TOR4A: variants seen among roughly 807,000 people sequenced by gnomAD.
The protein encoded by TOR4A is torsin-4A.
A neutral mutation model predicts 11.5 loss-of-function variants in TOR4A; 12 were observed. The ratio of observed to expected loss-of-function variants is 1.04; its 90% CI spans 0.67 to 1.69. TOR4A has a LOEUF of 1.69. Ranked by LOEUF, TOR4A falls within the 40% of genes most tolerant of loss-of-function variation. TOR4A has a pLI of 0.00. For synonymous variants in TOR4A, 362 were observed against 307.4 expected (o/e 1.18, Z -1.86); for missense variants, 640 against 643.2 (o/e 0.99, Z 0.05).
rs1403474019 is a variant in TOR4A at position 137,278,793 on chromosome 9, G to A, written c.104G>A (p.Arg35Gln). Residue 35 changes from arginine (R) to glutamine (Q), a missense_variant, in exon 2 of 2, where the codon CGG becomes CAG. Physicochemically the swap from Arg to Gln is conservative, Grantham distance 43 (BLOSUM62 1). Transcript: ENST00000357503. ...PVRAVLRLRR[R>Q]VCVLRKRRLL... is the part of the protein sequence containing the mutation. ...CGCGCTGTGCTCCGCCTGCGCCGCC[G>A]GGTGTGTGTCCTACGCAAACGGCGC... 3 of 1,454,528 alleles carry A rather than the reference G, an allele frequency of 2.1e-6. No individual in the cohort carries two copies. The highest frequency in any genetic ancestry group is 2.7e-6 in the Non-Finnish European group (3 of 1,115,228). 90.1% of individuals were successfully genotyped at this position (1,454,528 alleles called of 1,614,324 possible).
chr9:137,278,605 A>C, intron 1 of TOR4A, 48 bp from the exon 2 acceptor site: 1 of 1,172,206 alleles, frequency 8.5e-7, no homozygotes, highest in Non-Finnish European at 1.1e-6. Flanking sequence ...GCCCGCGGGA[A>C]AGGGCAGTGG....
At chr9:137,278,150 C>G (rs1291514532) in intron 1 of TOR4A, among the ~76,000 whole-genome samples, 3 of 152,166 alleles carry the variant, frequency 2.0e-5, no homozygotes, top group Non-Finnish European at 4.4e-5. Context: ...TCATAAGTTC[C>G]AGCCAGACCC....
chr9:137,279,006 C>A lies in TOR4A; in HGVS notation c.317C>A (p.Ser106Ter). Reference sequence around the variant, plus strand: ...CGCCTGGTGCTTTACCCGGAGACCTCGCGCAAGTATCGGCCGCGCGTGGAG... The same window carrying A: ...CGCCTGGTGCTTTACCCGGAGACCTAGCGCAAGTATCGGCCGCGCGTGGAG... ...RSRLVLYPET[S>*]RKYRPRVEHR... The change falls in exon 2 of 2, where the codon TCG (serine) becomes TAG (stop). Residue 106 changes from serine (S) to a stop codon, truncating the protein, a stop_gained. Transcript: ENST00000357503. LOFTEE classifies it high-confidence loss of function. 1 of 1,606,436 alleles carries A rather than the reference C, an allele frequency of 6.2e-7. No individual in the cohort carries two copies. The highest frequency in any genetic ancestry group is 8.5e-7 in the Non-Finnish European group (1 of 1,177,344).
Position 137,279,635 on chromosome 9 carries a change from TCC to T in TOR4A, c.948_949del (p.Leu319AlafsTer63), listed in dbSNP as rs746725550. The T allele has an allele frequency of 1.3e-6, 2 of 1,559,732 alleles. No individual in the cohort carries two copies. The highest frequency in any genetic ancestry group is 1.7e-6 in the Non-Finnish European group (2 of 1,157,786). On this transcript the variant is annotated frameshift_variant, in exon 2 of 2. Coordinates refer to ENST00000357503, the MANE Select transcript of TOR4A (RefSeq NM_017723.3). LOFTEE classifies it low-confidence loss of function (END_TRUNC). ...EVTRFVLQNA[S>X]RALPLRPDGF... ...CACGCGCTTCGTGCTGCAGAACGCG[TCC>T]CGCGCGCTGCCCCTGCGCCCCGACG... is the stretch of plus-strand genomic sequence containing the variant.
chr9:137,279,638 C>T lies in TOR4A; in HGVS notation c.949C>T (p.Arg317Cys). ...GCGCTTCGTGCTGCAGAACGCGTCC[C>T]GCGCGCTGCCCCTGCGCCCCGACGG... Reference protein sequence around the residue: ...VTRFVLQNASRALPLRPDGFR... With the variant: ...VTRFVLQNASCALPLRPDGFR... Residue 317 changes from arginine (R) to cysteine (C), a missense_variant, in exon 2 of 2, where the codon CGC becomes TGC. Coordinates refer to ENST00000357503, the MANE Select transcript of TOR4A (RefSeq NM_017723.3). The T allele has an allele frequency of 6.4e-7, 1 of 1,560,078 alleles. No individual in the cohort carries two copies. The highest frequency in any genetic ancestry group is 8.6e-7 in the Non-Finnish European group (1 of 1,158,062).
chr9:137,279,124 G>A lies in TOR4A; in HGVS notation c.435G>A (p.Ala145=). ...CTATCGAGAACCTGGACGATAACGC[G>A]CAGCGCTATGACCTCGACGGGCTGG... The part of the protein sequence containing the change: ...LNAIENLDDN[A]QRYDLDGLEK... The change falls in exon 2 of 2, where the codon GCG becomes GCA. Residue 145 remains alanine, a synonymous_variant. Transcript: ENST00000357503. 7 of 1,589,030 alleles carry A rather than the reference G, an allele frequency of 4.4e-6. No individual in the cohort carries two copies. The highest frequency in any genetic ancestry group is 3.4e-5 in the South Asian group (3 of 87,740).
At position 137,279,698 on chromosome 9, in the gene TOR4A, G is replaced by A. The variant is rs1481350211; in HGVS notation, c.1009G>A (p.Glu337Lys). The A allele has an allele frequency of 4.5e-6, 7 of 1,572,666 alleles. No homozygotes were observed. The highest frequency in any genetic ancestry group is 1.3e-5 in the African/African-American group (1 of 74,488). ...RSAEAAAAQA[E>K]EDLRASLLAV... The stretch of plus-strand genomic sequence containing the variant: ...TGCCGAGGCCGCAGCGGCGCAGGCG[G>A]AAGAAGACCTGCGCGCCAGCCTGCT... The change falls in exon 2 of 2, where the codon GAA (glutamate) becomes AAA (lysine). Residue 337 changes from glutamate to lysine, a missense_variant. By Grantham distance (56) the Glu-to-Lys change is moderately conservative. Coordinates refer to ENST00000357503, the MANE Select transcript of TOR4A (RefSeq NM_017723.3).
In TOR4A at chr9:137,280,486, G is replaced by T; in HGVS notation, c.*525G>T. ...TCAGGTCGTGTTTTCAGGAGCTCAAGGCTGGAGTGTCTTGACAGTAAGGGG... is the reference window on the plus strand; with the variant it reads ...TCAGGTCGTGTTTTCAGGAGCTCAATGCTGGAGTGTCTTGACAGTAAGGGG... On this transcript the variant is annotated 3_prime_UTR_variant, in exon 2 of 2. Transcript: ENST00000357503. 1 of 169,020 alleles carries T rather than the reference G, an allele frequency of 5.9e-6. No individual in the cohort carries two copies. The highest frequency in any genetic ancestry group is 1.4e-5 in the Non-Finnish European group (1 of 69,390). 10.5% of individuals were successfully genotyped at this position (169,020 alleles called of 1,614,324 possible). A position where few individuals can be genotyped will look rare whatever the true frequency, so the allele number is the denominator to read the frequency against.
Position 137,279,534 on chromosome 9 carries a change from T to A in TOR4A, c.845T>A (p.Phe282Tyr). 6.3e-7 allele frequency: 1 copy of A among 1,587,446 alleles called. No homozygotes were observed. The highest frequency in any genetic ancestry group is 8.5e-7 in the Non-Finnish European group (1 of 1,170,178). The part of the protein sequence containing the change: ...PRPLLDELHG[F>Y]LQPQRSHHFH... ...CCGCTGCTGGACGAGCTGCACGGCTTCCTGCAGCCGCAGCGCTCCCACCAC... is the reference window on the plus strand; with the variant it reads ...CCGCTGCTGGACGAGCTGCACGGCTACCTGCAGCCGCAGCGCTCCCACCAC... Residue 282 changes from phenylalanine (F) to tyrosine (Y), a missense_variant, in exon 2 of 2, where the codon TTC becomes TAC. Phe to Tyr is a conservative substitution (Grantham distance 22). Coordinates refer to ENST00000357503, the MANE Select transcript of TOR4A (RefSeq NM_017723.3).
Position 137,280,316 on chromosome 9 carries a change from C to T in TOR4A, c.*355C>T, listed in dbSNP as rs1223819122. The T allele has an allele frequency of 1.2e-5, 4 of 321,086 alleles. No homozygotes were observed. The East Asian group carries it at 1.7e-4, about 14-fold the overall frequency. 19.9% of individuals were successfully genotyped at this position (321,086 alleles called of 1,614,324 possible). A position where few individuals can be genotyped will look rare whatever the true frequency, so the allele number is the denominator to read the frequency against. ...GGGTCACACAGCTGGGACGTGACCC[C>T]GCCTCTTGGGGGTGGTCGCGTGTTG... On this transcript the variant is annotated 3_prime_UTR_variant, in exon 2 of 2. Coordinates refer to ENST00000357503, the MANE Select transcript of TOR4A (RefSeq NM_017723.3).
In TOR4A at chr9:137,279,683, G is replaced by C. The variant is rs1408236830; in HGVS notation, c.994G>C (p.Ala332Pro). 6.4e-7 allele frequency: 1 copy of C among 1,566,526 alleles called. No individual in the cohort carries two copies. The highest frequency in any genetic ancestry group is 8.6e-7 in the Non-Finnish European group (1 of 1,161,580). Residue 332 changes from alanine (A) to proline (P), a missense_variant, in exon 2 of 2, where the codon GCA becomes CCA. Ala to Pro is a conservative substitution (Grantham distance 27). Coordinates refer to ENST00000357503, the MANE Select transcript of TOR4A (RefSeq NM_017723.3). Reference sequence around the variant, plus strand: ...CGACGGCTTCCGCAGTGCCGAGGCCGCAGCGGCGCAGGCGGAAGAAGACCT... The same window carrying C: ...CGACGGCTTCCGCAGTGCCGAGGCCCCAGCGGCGCAGGCGGAAGAAGACCT... ...RPDGFRSAEAAAAQAEEDLRA... is the reference protein window; with the variant it reads ...RPDGFRSAEAPAAQAEEDLRA...
intron 1 of TOR4A, among the ~76,000 whole-genome samples, chr9:137,278,402 C>G (rs1210630965): frequency 6.6e-6 from 1 of 151,710 alleles, no homozygotes; most frequent in Non-Finnish European, 1.5e-5. Context: ...CCTCAAGGCC[C>G]GCGGCCGTTT....
In TOR4A at chr9:137,279,191, G is replaced by T; in HGVS notation, c.502G>T (p.Val168Leu). The change falls in exon 2 of 2, where the codon GTA becomes TTA. Residue 168 changes from valine to leucine, a missense_variant. Val to Leu is a conservative substitution (Grantham distance 32, BLOSUM62 1). Coordinates refer to ENST00000357503, the MANE Select transcript of TOR4A (RefSeq NM_017723.3). The stretch of plus-strand genomic sequence containing the variant: ...CGCGGTGTTCGGCCAGCCCGCTGCC[G>T]TATCGCGCATCGTGGCGCTGATGCG... ...QRAVFGQPAA[V>L]SRIVALMRDY... 1 of 1,555,418 alleles carries T rather than the reference G, an allele frequency of 6.4e-7. No individual in the cohort carries two copies. The highest frequency in any genetic ancestry group is 1.7e-4 in the Middle Eastern group (1 of 5,960).
Position 137,279,123 on chromosome 9 carries a change from CGCA to C in TOR4A, c.437_439del (p.Gln146del). On this transcript the variant is annotated inframe_deletion, in exon 2 of 2. Coordinates refer to ENST00000357503, the MANE Select transcript of TOR4A (RefSeq NM_017723.3). ...GCTATCGAGAACCTGGACGATAACG[CGCA>C]GCGCTATGACCTCGACGGGCTGGAG... 6.3e-7 allele frequency: 1 copy of C among 1,590,014 alleles called. No homozygotes were observed. Among genetic ancestry groups the C allele is most frequent in the Non-Finnish European group, 8.6e-7 (1 of 1,168,560 alleles).
Position 137,279,975 on chromosome 9 carries a change from C to A in TOR4A, c.*14C>A. On this transcript the variant is annotated 3_prime_UTR_variant, in exon 2 of 2. Transcript: ENST00000357503. ...AACCTCCTGTAGTGGAGGCGCAGGA[C>A]GGGACGTTTGGGTTGATGGCGGCAG... 6.4e-7 allele frequency: 1 copy of A among 1,555,820 alleles called. No individual in the cohort carries two copies. Among genetic ancestry groups the A allele is most frequent in the Non-Finnish European group, 8.7e-7 (1 of 1,146,970 alleles).
In TOR4A at chr9:137,280,284, A is replaced by G. The variant is rs551821413; in HGVS notation, c.*323A>G. 1.5e-5 allele frequency: 6 copies of G among 405,286 alleles called. No homozygotes were observed. Among genetic ancestry groups the G allele is most frequent in the African/African-American group, 4.0e-5 (2 of 49,972 alleles). The allele number at this position is 405,286 out of a possible 1,614,324, so 25.1% of individuals were successfully genotyped here. A position where few individuals can be genotyped will look rare whatever the true frequency, so the allele number is the denominator to read the frequency against. On this transcript the variant is annotated 3_prime_UTR_variant, in exon 2 of 2. Coordinates refer to ENST00000357503, the MANE Select transcript of TOR4A (RefSeq NM_017723.3). ...TACAAGGATGATCTCAGGGCCAACA[A>G]TTCCCGGGGTCACACAGCTGGGACG...
At position 137,279,262 on chromosome 9, in the gene TOR4A, G is replaced by T. The variant is rs760353423; in HGVS notation, c.573G>T (p.Ala191=). The T allele has an allele frequency of 9.8e-5, 150 of 1,535,232 alleles. No homozygotes were observed. Among genetic ancestry groups the T allele is most frequent in the Middle Eastern group, 1.7e-4 (1 of 5,762 alleles). The stretch of plus-strand genomic sequence containing the variant: ...TGCACAGTCGTCCGCTCCTCCTGGC[G>T]CTGCACGGGCCCAGTGGCGTGGGCA... ...THVHSRPLLL[A]LHGPSGVGKS... The change falls in exon 2 of 2, where the codon GCG becomes GCT. Residue 191 remains alanine, a synonymous_variant. Coordinates refer to ENST00000357503, the MANE Select transcript of TOR4A (RefSeq NM_017723.3).
At position 137,279,496 on chromosome 9, in the gene TOR4A, G is replaced by T; in HGVS notation, c.807G>T (p.Glu269Asp). Residue 269 changes from glutamate (E) to aspartate (D), a missense_variant, in exon 2 of 2, where the codon GAG (glutamate) becomes GAT (aspartate). Transcript: ENST00000357503. Reference sequence around the variant, plus strand: ...CACTCTTGGTGCTGGACGACGTGGAGCTCATGCCGCGGCCGCTGCTGGACG... The same window carrying T: ...CACTCTTGGTGCTGGACGACGTGGATCTCATGCCGCGGCCGCTGCTGGACG... ...KTPLLVLDDV[E>D]LMPRPLLDEL... is the part of the protein sequence containing the mutation. 1 of 1,572,158 alleles carries T rather than the reference G, an allele frequency of 6.4e-7. No individual in the cohort carries two copies. Among genetic ancestry groups the T allele is most frequent in the Non-Finnish European group, 8.6e-7 (1 of 1,161,112 alleles).
chr9:137,278,714 G>A lies in TOR4A; in HGVS notation c.25G>A (p.Glu9Lys). 1 of 1,377,486 alleles carries A rather than the reference G, an allele frequency of 7.3e-7. No individual in the cohort carries two copies. The highest frequency in any genetic ancestry group is 1.5e-5 in the African/African-American group (1 of 65,822). The allele number at this position is 1,377,486 out of a possible 1,614,324, so 85.3% of individuals were successfully genotyped here. A position where few individuals can be genotyped will look rare whatever the true frequency, so the allele number is the denominator to read the frequency against. The change falls in exon 2 of 2, where the codon GAG becomes AAG. Residue 9 changes from glutamate (E) to lysine (K), a missense_variant. Transcript: ENST00000357503. ...CATGGACCGCGGCCAGCCCAGCCTG[G>A]AGCCTGCTGCCGCGGCCCCCCGAGC... MDRGQPSLEPAAAAPRASG... is the reference protein window; with the variant it reads MDRGQPSLKPAAAAPRASG...
Sources: gnomAD v4.1 joint callset for allele counts (sites outside exome capture counted in the v4.1 genomes callset) on GRCh38, gnomAD v4.1.1 for gene constraint, MANE v1.5 for transcripts, NCBI Gene and HGNC (gene_info 2026-07-23, HGNC 2026-07-21) for gene names.